SLC8A1: variants seen among roughly 807,000 people sequenced by gnomAD.
SLC8A1 encodes the protein solute carrier family 8 member A1.
SLC8A1 carries 18 observed loss-of-function variants against 68.3 expected under a neutral mutation model. The observed-to-expected ratio is 0.26, with a 90% CI of 0.18 to 0.39. The LOEUF is 0.39. SLC8A1 is among the 10% of genes least tolerant of loss of function. The pLI is 1.00. For missense variants in SLC8A1, 985 were observed against 1,156.7 expected, an observed-to-expected ratio of 0.85 and a Z score of 2.15; for synonymous variants, 475 against 415.5, an observed-to-expected ratio of 1.14 and a Z score of -1.74.
chr2:40,253,054 T>C (rs969816107), intron 2 of SLC8A1, among the ~76,000 whole-genome samples: 2 of 135,962 alleles, frequency 1.5e-5, no homozygotes, highest in African/African-American at 5.6e-5. Context: ...TATGTATATA[T>C]GTACATGTAT....
intron 4 of SLC8A1, chr2:40,174,712 G>C (rs2048163655): frequency 6.5e-7 from 1 of 1,533,538 alleles, no homozygotes; most frequent in Non-Finnish European, 9.0e-7. Context: ...TTACCAAACA[G>C]GTATTTTCCT....
At chr2:40,238,229 T>G (rs1353608451) in intron 2 of SLC8A1, among the ~76,000 whole-genome samples, 6 of 152,140 alleles carry the variant, frequency 3.9e-5, no homozygotes, top group African/African-American at 1.4e-4. Context: ...CAGTTTGATC[T>G]CAGACTGCTG....
At chr2:40,168,665 T>TTTTG (rs1271312913) in intron 4 of SLC8A1, among the ~76,000 whole-genome samples, 2 of 152,224 alleles carry the variant, frequency 1.3e-5, no homozygotes, top group African/African-American at 4.8e-5. Flanking sequence ...TAATCATCTA[T>TTTTG]TTTGTTTCCT....
chr2:40,439,385 G>A (rs1700065985), intron 1 of SLC8A1, among the ~76,000 whole-genome samples: 1 of 152,070 alleles, frequency 6.6e-6, no homozygotes, highest in Admixed American at 6.6e-5. Context: ...TGAAGTACTG[G>A]GTGGTAAGGA....
chr2:40,111,192 T>C (rs748077296), exon 8 of SLC8A1: 10 of 152,174 alleles, frequency 6.6e-5, no homozygotes, highest in Non-Finnish European at 1.5e-4. Flanking sequence ...GGTTGAAGGA[T>C]GGAATCAGGA....
chr2:40,339,603 T>C (rs1490170829), intron 2 of SLC8A1, among the ~76,000 whole-genome samples: 1 of 152,178 alleles, frequency 6.6e-6, no homozygotes, highest in Non-Finnish European at 1.5e-5. Flanking sequence ...TCAGTAAATA[T>C]TAACTAATAT....
At chr2:40,115,509 G>C in exon 8 of SLC8A1, 1 of 1,614,210 alleles carries the variant, frequency 6.2e-7, no homozygotes, top group Non-Finnish European at 8.5e-7. Context: ...GTAGATGGCA[G>C]CGATGGACCA....
intron 2 of SLC8A1, among the ~76,000 whole-genome samples, chr2:40,365,951 G>A (rs1434897828): frequency 1.3e-5 from 2 of 151,042 alleles, no homozygotes; most frequent in Non-Finnish European, 2.9e-5. Context: ...AGCTATAATG[G>A]CACCACTGCA....
chr2:40,313,045 C>A (rs2073950197), intron 2 of SLC8A1, among the ~76,000 whole-genome samples: 1 of 151,968 alleles, frequency 6.6e-6, no homozygotes, highest in Non-Finnish European at 1.5e-5. Context: ...GTACCTTTGC[C>A]ATAATCAAGG....
At chr2:40,238,247 A>C (rs1038163251) in intron 2 of SLC8A1, among the ~76,000 whole-genome samples, 1 of 152,174 alleles carries the variant, frequency 6.6e-6, no homozygotes, top group East Asian at 1.9e-4. Context: ...CTGTGCTAGC[A>C]ATCAGTGAGA....
intron 2 of SLC8A1, chr2:40,254,704 T>C (rs1311196849): frequency 6.6e-6 from 1 of 152,248 alleles, no homozygotes; most frequent in Non-Finnish European, 1.5e-5. Context: ...AATAACTAAC[T>C]GGTCAATTAT....
intron 2 of SLC8A1, among the ~76,000 whole-genome samples, chr2:40,309,973 C>G (rs2149301601): frequency 6.6e-6 from 1 of 152,282 alleles, no homozygotes; most frequent in Non-Finnish European, 1.5e-5. Flanking sequence ...TAACCATTCA[C>G]TCCTGCTTTC....
At chr2:40,502,149 G>T (rs928219094) in intron 1 of SLC8A1, among the ~76,000 whole-genome samples, 3 of 151,992 alleles carry the variant, frequency 2.0e-5, no homozygotes, top group Admixed American at 1.3e-4. Context: ...CCTAGAAATG[G>T]ATCTAAATAC....
intron 7 of SLC8A1, among the ~76,000 whole-genome samples, chr2:40,136,155 C>G (rs1408836325): frequency 4.6e-5 from 7 of 152,268 alleles, no homozygotes; most frequent in Admixed American, 2.0e-4. Context: ...ACTTGGGAAG[C>G]CTCTTTCTCC....
chr2:40,473,428 TC>T (rs1308841455), intron 1 of SLC8A1, among the ~76,000 whole-genome samples: 2 of 152,148 alleles, frequency 1.3e-5, no homozygotes, highest in Non-Finnish European at 2.9e-5. Context: ...CTTTTCCCTC[TC>T]CCCTACTTGA....
chr2:40,283,771 A>G (rs1437407373), intron 2 of SLC8A1, among the ~76,000 whole-genome samples: 3 of 152,172 alleles, frequency 2.0e-5, no homozygotes, highest in Admixed American at 2.0e-4. Flanking sequence ...TATATCCTTG[A>G]CAGCGTTCCT....
upstream of SLC8A1, among the ~76,000 whole-genome samples, chr2:40,456,887 T>C (rs955928416): frequency 1.3e-5 from 2 of 152,220 alleles, no homozygotes; most frequent in African/African-American, 4.8e-5. Context: ...CAGAAAAATA[T>C]ACATTTCTAC....
chr2:40,172,814 T>C (rs1001453729), intron 4 of SLC8A1, among the ~76,000 whole-genome samples: 1 of 151,982 alleles, frequency 6.6e-6, no homozygotes, highest in Non-Finnish European at 1.5e-5. Context: ...TGGTGGCACG[T>C]GCCTGTAGTC....
chr2:40,235,872 A>G (rs2148925958), intron 2 of SLC8A1, among the ~76,000 whole-genome samples: 1 of 151,718 alleles, frequency 6.6e-6, no homozygotes, highest in South Asian at 2.1e-4. Context: ...GTAGTCATTC[A>G]GGAGCAGGTT....
Sources: gnomAD v4.1 joint callset for allele counts (sites outside exome capture counted in the v4.1 genomes callset) on GRCh38, gnomAD v4.1.1 for gene constraint, MANE v1.5 for transcripts, NCBI Gene and HGNC (gene_info 2026-07-23, HGNC 2026-07-21) for gene names.